TBL1Y: variants seen among roughly 807,000 people sequenced by gnomAD.
TBL1Y encodes the protein transducin beta like 1 Y-linked.
Under a neutral mutation model 12.0 loss-of-function variants are expected in TBL1Y, and 15 were observed. That is an observed-to-expected ratio of 1.25 (90% CI 0.83 to 1.92). The LOEUF is 1.92. Among genes scored for constraint, TBL1Y ranks in the 40% most tolerant of loss-of-function variants. The pLI is 0.00. For missense variants in TBL1Y, 148 were observed against 116.7 expected (o/e 1.27, Z -1.24); for synonymous variants, 53 against 42.6 (o/e 1.24, Z -0.95).
Position 7,091,617 on chromosome Y carries a change from G to T in TBL1Y, c.*125G>T. ...AAATGTGTGAACTTGACTTGTGTTA[G>T]AGTATATTCTGAAACCAACTTGTCC... On this transcript the variant is annotated 3_prime_UTR_variant, in exon 19 of 19. Transcript: ENST00000383032. 1.5e-5 allele frequency: 2 copies of T among 131,382 alleles called. No homozygotes were observed. Among genetic ancestry groups the T allele is most frequent in the Non-Finnish European group, 2.6e-5 (2 of 75,610 alleles). 32.8% of individuals were successfully genotyped at this position (131,382 alleles called of 400,897 possible).
chrY:7,029,048 A>G lies in TBL1Y; in HGVS notation c.58+3906A>G, dbSNP rs766104659. Among the ~76,000 whole-genome samples, 8 of 32,964 alleles carry G rather than the reference A, an allele frequency of 2.4e-4. No homozygotes were observed. The East Asian group carries it at 6.3e-3, about 26-fold the overall frequency. The allele number at this position is 32,964 out of a possible 37,273, so 88.4% of individuals were successfully genotyped here. A position where few individuals can be genotyped will look rare whatever the true frequency, so the allele number is the denominator to read the frequency against. ...CAGATGAGTTCCTGTAAACATAATA[A>G]GTATTTCCTCTGGGACTTCATCACC... On this transcript the variant is annotated intron_variant, in intron 6 of 18. Transcript: ENST00000383032.
intron 7 of TBL1Y, among the ~76,000 whole-genome samples, chrY:7,061,688 C>T: frequency 3.1e-5 from 1 of 32,471 alleles, no homozygotes; most frequent in African/African-American, 1.2e-4. Context: ...AGAAGAACAC[C>T]CAAGATGGAT....
At chrY:7,023,626 C>T in intron 5 of TBL1Y, among the ~76,000 whole-genome samples, 1 of 33,637 alleles carries the variant, frequency 3.0e-5, no homozygotes, top group African/African-American at 1.2e-4. Flanking sequence ...GAAGGCCCTA[C>T]GGAGATGAAT....
At chrY:6,964,057 A>G in intron 2 of TBL1Y, among the ~76,000 whole-genome samples, 1 of 34,073 alleles carries the variant, frequency 2.9e-5, no homozygotes, top group Non-Finnish European at 7.3e-5. Flanking sequence ...TGATTTGACC[A>G]CAATTATAAC....
At chrY:7,017,757 GACA>G (rs2012559750) in intron 4 of TBL1Y, among the ~76,000 whole-genome samples, 2 of 33,723 alleles carry the variant, frequency 5.9e-5, no homozygotes, top group Non-Finnish European at 1.5e-4. Flanking sequence ...ATTGAGTTTG[GACA>G]ACATTTGGCT....
At chrY:6,912,667 C>G (rs2011704215) in intron 2 of TBL1Y, among the ~76,000 whole-genome samples, 1 of 32,066 alleles carries the variant, frequency 3.1e-5, no homozygotes, top group South Asian at 7.1e-4. Flanking sequence ...CGCGTCTTTA[C>G]TGAAAATACA....
intron 4 of TBL1Y, among the ~76,000 whole-genome samples, chrY:7,008,596 C>A: frequency 3.0e-5 from 1 of 33,128 alleles, no homozygotes; most frequent in Non-Finnish European, 7.4e-5. Flanking sequence ...AAATTCTGAT[C>A]GCCAGTCAGC....
At chrY:6,934,935 A>G in intron 2 of TBL1Y, among the ~76,000 whole-genome samples, 1 of 32,538 alleles carries the variant, frequency 3.1e-5, no homozygotes, top group Non-Finnish European at 7.5e-5. Flanking sequence ...CTTTGCCTCA[A>G]CCCTTGTGAT....
At chrY:6,960,845 G>A in intron 2 of TBL1Y, among the ~76,000 whole-genome samples, 4 of 33,116 alleles carry the variant, frequency 1.2e-4, no homozygotes, top group African/African-American at 4.8e-4. Context: ...GAAGAGTCCT[G>A]TAAATTATTC....
intron 7 of TBL1Y, among the ~76,000 whole-genome samples, chrY:7,057,779 G>T: frequency 3.0e-5 from 1 of 33,508 alleles, no homozygotes; most frequent in Non-Finnish European, 7.3e-5. Flanking sequence ...AAACTCCTCC[G>T]CTTTCTGCTA....
intron 7 of TBL1Y, among the ~76,000 whole-genome samples, chrY:7,054,401 A>G: frequency 1.5e-4 from 5 of 34,087 alleles, no homozygotes; most frequent in Admixed American, 1.3e-3. Flanking sequence ...CTATTACCTG[A>G]GAGCACAGGG....
rs760869204 is a variant in TBL1Y, at chrY:6,946,042, G to A, written c.-265-32171G>A. ...CCTAGGTATCTGGACAAATTTCTCCGTAAGAGAAGTGAACACATAACTCTT... is the reference window on the plus strand; with the variant it reads ...CCTAGGTATCTGGACAAATTTCTCCATAAGAGAAGTGAACACATAACTCTT... On this transcript the variant is annotated intron_variant, in intron 2 of 18. Coordinates refer to ENST00000383032, the MANE Select transcript of TBL1Y (RefSeq NM_033284.2). Among the ~76,000 whole-genome samples the A allele has an allele frequency of 4.2e-4, 14 of 33,418 alleles. No homozygotes were observed. The South Asian group carries it at 4.2e-3, about 10-fold the overall frequency. 89.7% of individuals were successfully genotyped at this position (33,418 alleles called of 37,273 possible). A position where few individuals can be genotyped will look rare whatever the true frequency, so the allele number is the denominator to read the frequency against.
In TBL1Y at chrY:6,911,394, C is replaced by T. The variant is rs767050236; in HGVS notation, c.-351+412C>T. 1.5e-4 allele frequency among the ~76,000 whole-genome samples: 5 copies of T among 34,481 alleles called. No individual in the cohort carries two copies. The South Asian group carries it at 2.6e-3, about 18-fold the overall frequency. 92.5% of individuals were successfully genotyped at this position (34,481 alleles called of 37,273 possible). A position where few individuals can be genotyped will look rare whatever the true frequency, so the allele number is the denominator to read the frequency against. On this transcript the variant is annotated intron_variant, in intron 1 of 18. Transcript: ENST00000383032. ...GGGCAGGTGGCGGGATTTTTCACGC[C>T]CCGGTGGAGGGGAGTCCCTTTCATC... is the stretch of plus-strand genomic sequence containing the variant.
chrY:7,059,848 C>T, intron 7 of TBL1Y, among the ~76,000 whole-genome samples: 3 of 33,247 alleles, frequency 9.0e-5, no homozygotes, highest in South Asian at 6.8e-4. Flanking sequence ...AGCTAAATTT[C>T]GCCTTTATAT....
At chrY:6,976,977 TTTCA>T (rs2012246844) in intron 2 of TBL1Y, among the ~76,000 whole-genome samples, 1 of 33,602 alleles carries the variant, frequency 3.0e-5, no homozygotes, top group Non-Finnish European at 7.3e-5. Context: ...TGCTTCTTAC[TTTCA>T]TTCTGGAATC....
rs759821088 is a variant in TBL1Y at position 6,958,813 on chromosome Y, T to C, written c.-265-19400T>C. 6.5e-4 allele frequency among the ~76,000 whole-genome samples: 22 copies of C among 33,950 alleles called. No homozygotes were observed. The East Asian group carries it at 7.9e-3, about 12-fold the overall frequency. The allele number at this position is 33,950 out of a possible 37,273, so 91.1% of individuals were successfully genotyped here. A position where few individuals can be genotyped will look rare whatever the true frequency, so the allele number is the denominator to read the frequency against. Reference sequence around the variant, plus strand: ...ATTGCTGCAAACATGTCTCACCTCCTACCATAGGGCGGTTTTTCTCTCATC... The same window carrying C: ...ATTGCTGCAAACATGTCTCACCTCCCACCATAGGGCGGTTTTTCTCTCATC... On this transcript the variant is annotated intron_variant, in intron 2 of 18. Transcript: ENST00000383032.
intron 7 of TBL1Y, among the ~76,000 whole-genome samples, chrY:7,043,463 CT>C (rs2012739425): frequency 3.2e-5 from 1 of 31,009 alleles, no homozygotes; most frequent in Non-Finnish European, 7.7e-5. Context: ...AAGGTCAAGG[CT>C]GCAGTGAGCT....
intron 7 of TBL1Y, among the ~76,000 whole-genome samples, chrY:7,050,781 C>T: frequency 1.4e-4 from 4 of 28,937 alleles, no homozygotes; most frequent in Admixed American, 3.5e-4. Context: ...AAAATATTCG[C>T]GGAACGAAAA....
rs775236800 is a variant in TBL1Y, at chrY:7,063,941, G to C, written c.249G>C (p.Leu83=). 8 of 398,169 alleles carry C rather than the reference G, an allele frequency of 2.0e-5. No individual in the cohort carries two copies. The highest frequency in any genetic ancestry group is 6.0e-5 in the South Asian group (2 of 33,431). ...FDSRPIESLS[L]IVAVIPDVVQ... Reference sequence around the variant, plus strand: ...GCCGCCCTATAGAGTCCCTGTCCCTGATAGTTGCTGTGATTCCTGATGTGG... The same window carrying C: ...GCCGCCCTATAGAGTCCCTGTCCCTCATAGTTGCTGTGATTCCTGATGTGG... Residue 83 remains leucine, a synonymous_variant, in exon 8 of 19, where the codon CTG becomes CTC. Transcript: ENST00000383032.
Sources: allele counts gnomAD v4.1 joint callset (sites outside exome capture counted in the v4.1 genomes callset), GRCh38; gene constraint gnomAD v4.1.1; transcripts MANE v1.5; gene names NCBI Gene and HGNC (gene_info 2026-07-23, HGNC 2026-07-21).